Variants in ATG2B observed in about 807,000 individuals in gnomAD.
The protein encoded by ATG2B is autophagy related 2B, also known as autophagy-related protein 2 homolog B.
ATG2B carries 121 observed loss-of-function variants against 241.3 expected under a neutral mutation model. That is an observed-to-expected ratio of 0.50 (90% CI 0.43 to 0.58). The LOEUF (loss-of-function observed/expected upper bound fraction) is 0.58. ATG2B is among the 20% of genes least tolerant of loss of function. The pLI, the probability that ATG2B is intolerant of heterozygous loss-of-function variation, is 0.00. For missense variants in ATG2B, 2,306 were observed against 2,491.6 expected (o/e 0.93, Z 1.59); for synonymous variants, 858 against 876.6 (o/e 0.98, Z 0.37).
At position 96,322,705 on chromosome 14, in the gene ATG2B, C is replaced by T. The variant is rs1887491571; in HGVS notation, c.2571G>A (p.Met857Ile). Reference sequence around the variant, plus strand: ...CTGCAATTCTCTCCAAAATGGAATGCATGGCTGGTGGATTTATTTTCAGTA... The same window carrying T: ...CTGCAATTCTCTCCAAAATGGAATGTATGGCTGGTGGATTTATTTTCAGTA... ...RIVLKINPPA[M>I]HSILERIAAE... The change falls in exon 17 of 42, where the codon ATG (methionine) becomes ATA (isoleucine). Residue 857 changes from methionine to isoleucine, a missense_variant. Physicochemically the swap from Met to Ile is conservative, Grantham distance 10. Coordinates refer to ENST00000359933, the MANE Select transcript of ATG2B (RefSeq NM_018036.7). 2 of 1,613,308 alleles carry T rather than the reference C, an allele frequency of 1.2e-6. No homozygotes were observed. The highest frequency in any genetic ancestry group is 1.7e-6 in the Non-Finnish European group (2 of 1,179,716).
In ATG2B at chr14:96,290,598, A is replaced by G; in HGVS notation, c.5702-8T>C. The G allele has an allele frequency of 6.2e-7, 1 of 1,613,332 alleles. No homozygotes were observed. On this transcript the variant is annotated splice_region_variant and splice_polypyrimidine_tract_variant and intron_variant, in intron 39 of 41. Coordinates refer to ENST00000359933, the MANE Select transcript of ATG2B (RefSeq NM_018036.7). The surrounding 1 kb of genome is among the most constrained non-coding windows in gnomAD (Gnocchi z 4.4). Reference sequence around the variant, plus strand: ...AGTCCTTTAGGCCTTGTACTACAACAGTCAACACAAAATCAACATCAGTGC... The same window carrying G: ...AGTCCTTTAGGCCTTGTACTACAACGGTCAACACAAAATCAACATCAGTGC...
Position 96,323,961 on chromosome 14 carries a change from C to A in ATG2B, c.2475G>T (p.Lys825Asn). 6.2e-7 allele frequency: 1 copy of A among 1,610,108 alleles called. No homozygotes were observed. Among genetic ancestry groups the A allele is most frequent in the South Asian group, 1.1e-5 (1 of 90,214 alleles). ...FQEEKGDPSI[K>N]FFHVSSGVDG... ...CTACTCCACTAGACACATGGAAAAA[C>A]TTAATAGATGGATCTCCTTTCTCTT... The change falls in exon 16 of 42, where the codon AAG becomes AAT. Residue 825 changes from lysine (K) to asparagine (N), a missense_variant. By Grantham distance (94) the Lys-to-Asn change is moderately conservative (BLOSUM62 0). Around this residue, in one of 2 missense-constraint regions of ATG2B, gnomAD observed 1,927 missense variants for 2,011.2 expected, o/e 0.96. Transcript: ENST00000359933.
intron 2 of ATG2B, among the ~76,000 whole-genome samples, chr14:96,345,912 G>C (rs1888157011): frequency 1.3e-5 from 2 of 151,980 alleles, no homozygotes. Context: ...GACCAATTTG[G>C]CCTGCAGGTT....
Position 96,305,993 on chromosome 14 carries a change from A to C in ATG2B, c.4507-178T>G, listed in dbSNP as rs2289623. 0.25 allele frequency among the ~76,000 whole-genome samples: 37,750 copies of C among 152,082 alleles called. 4,936 individuals are homozygous for C. The highest frequency in any genetic ancestry group is 0.28 in the Non-Finnish European group (18,990 of 67,988). ...AAGATATTCTGCTTTATTAACCATA[A>C]AATAAACTCTCTTTGTTCTACGTAA... On this transcript the variant is annotated intron_variant, in intron 30 of 41. Transcript: ENST00000359933.
intron 1 of ATG2B, among the ~76,000 whole-genome samples, chr14:96,362,396 G>C (rs909858908): frequency 6.6e-6 from 1 of 152,130 alleles, no homozygotes; most frequent in African/African-American, 2.4e-5. Flanking sequence ...CAAATAACTA[G>C]GGATTCTGAC....
In ATG2B at chr14:96,332,342, T is replaced by C. The variant is rs184202137; in HGVS notation, c.1431A>G (p.Pro477=). ...KEQPVRGSTF[P]SNLVHPTPLQ... ...AAGGTGTTGGGTGAACTAGGTTGGATGGAAATGTTGACCCTCTTACTGGCT... is the reference window on the plus strand; with the variant it reads ...AAGGTGTTGGGTGAACTAGGTTGGACGGAAATGTTGACCCTCTTACTGGCT... Residue 477 remains proline, a synonymous_variant, in exon 10 of 42, where the codon CCA becomes CCG. Coordinates refer to ENST00000359933, the MANE Select transcript of ATG2B (RefSeq NM_018036.7). 3.3e-5 allele frequency: 54 copies of C among 1,613,824 alleles called. No individual in the cohort carries two copies. The highest frequency in any genetic ancestry group is 1.7e-4 in the Middle Eastern group (1 of 6,060).
chr14:96,322,082 A>C (rs1887473304), intron 18 of ATG2B, 30 bp downstream of exon 18: 5 of 1,466,704 alleles, frequency 3.4e-6, no homozygotes, highest in Non-Finnish European at 3.6e-6. Flanking sequence ...ATCTGATTCC[A>C]AAGATTCAAC....
At chr14:96,325,595 G>T in intron 15 of ATG2B, 54 bp downstream of exon 15, 1 of 1,507,458 alleles carries the variant, frequency 6.6e-7, no homozygotes, top group African/African-American at 1.4e-5. Context: ...TTAAGTTTCA[G>T]TAGCAGTTGT....
rs576793194 is a variant in ATG2B at position 96,345,329 on chromosome 14, C to G, written c.382G>C (p.Ala128Pro). ...SSFMTSSMQL[A>P]KECLSQKLTD... ...AGTTTCTGGCTAAGACATTCTTTTGCCAATTGCATACTGCTGGTCATAAAA... is the reference window on the plus strand; with the variant it reads ...AGTTTCTGGCTAAGACATTCTTTTGGCAATTGCATACTGCTGGTCATAAAA... Residue 128 changes from alanine (A) to proline (P), a missense_variant, in exon 3 of 42, where the codon GCA becomes CCA. Ala to Pro is a conservative substitution (Grantham distance 27). This residue lies in a region of ATG2B where 1,927 missense variants were observed against 2,011.2 expected (regional missense o/e 0.96). Coordinates refer to ENST00000359933, the MANE Select transcript of ATG2B (RefSeq NM_018036.7). 6.2e-7 allele frequency: 1 copy of G among 1,613,028 alleles called. No individual in the cohort carries two copies. Among genetic ancestry groups the G allele is most frequent in the Non-Finnish European group, 8.5e-7 (1 of 1,179,412 alleles).
intron 6 of ATG2B, among the ~76,000 whole-genome samples, chr14:96,338,604 T>G (rs1887928001): frequency 6.6e-6 from 1 of 152,140 alleles, no homozygotes; most frequent in African/African-American, 2.4e-5. Context: ...AGAAAGAACC[T>G]GGATCCTCAT....
intron 5 of ATG2B, 33 bp downstream of exon 5, chr14:96,343,086 G>A: frequency 1.4e-6 from 2 of 1,474,648 alleles, no homozygotes; most frequent in South Asian, 1.5e-5. Flanking sequence ...AAAAATCTAT[G>A]ATTATGGTTT....
At chr14:96,338,166 T>A (rs1172838543) in intron 6 of ATG2B, among the ~76,000 whole-genome samples, 1 of 152,174 alleles carries the variant, frequency 6.6e-6, no homozygotes. Flanking sequence ...AATTCATTGA[T>A]CAGATCTAGG....
chr14:96,351,264 G>A (rs1888310727), intron 1 of ATG2B, among the ~76,000 whole-genome samples: 1 of 152,292 alleles, frequency 6.6e-6, no homozygotes, highest in Non-Finnish European at 1.5e-5. Context: ...GGGAGGAGGG[G>A]ATCACAACCA....
chr14:96,309,612 A>C lies in ATG2B; in HGVS notation c.4162-18T>G. The C allele has an allele frequency of 1.3e-6, 2 of 1,580,996 alleles. No homozygotes were observed. Among genetic ancestry groups the C allele is most frequent in the South Asian group, 1.2e-5 (1 of 86,758 alleles). The stretch of plus-strand genomic sequence containing the variant: ...GAATCTACCTATAGCCAAAAAACCT[A>C]ATTAAAAATAACTGAAAATGCTCTT... On this transcript the variant is annotated intron_variant, in intron 28 of 41. Coordinates refer to ENST00000359933, the MANE Select transcript of ATG2B (RefSeq NM_018036.7).
Position 96,313,326 on chromosome 14 carries a change from T to C in ATG2B, c.3749+3A>G. The C allele has an allele frequency of 6.4e-7, 1 of 1,562,994 alleles. No homozygotes were observed. Among genetic ancestry groups the C allele is most frequent in the Non-Finnish European group, 8.7e-7 (1 of 1,156,032 alleles). ...CTTTATTTTGTTCCATTTGTGAACT[T>C]ACCTATAATCAAGTGCACAGCTCCA... On this transcript the variant is annotated splice_donor_region_variant and intron_variant, in intron 24 of 41. Coordinates refer to ENST00000359933, the MANE Select transcript of ATG2B (RefSeq NM_018036.7).
chr14:96,355,541 G>A (rs1888449976), intron 1 of ATG2B, among the ~76,000 whole-genome samples: 1 of 151,964 alleles, frequency 6.6e-6, no homozygotes, highest in Non-Finnish European at 1.5e-5. Flanking sequence ...TCAATTTCCT[G>A]GTCCATAAAA....
rs749396823 is a variant in ATG2B, at chr14:96,328,470, C to T, written c.2040G>A (p.Val680=). The change falls in exon 14 of 42, where the codon GTG becomes GTA. Residue 680 remains valine, a synonymous_variant. Coordinates refer to ENST00000359933, the MANE Select transcript of ATG2B (RefSeq NM_018036.7). Reference sequence around the variant, plus strand: ...CAATACTGATATCCAGCTCACAACACACTGGATTTAATTTAATTTGCAATT... The same window carrying T: ...CAATACTGATATCCAGCTCACAACATACTGGATTTAATTTAATTTGCAATT... The part of the protein sequence containing the change: ...KAELQIKLNP[V]CCELDISIVD... 3 of 1,612,950 alleles carry T rather than the reference C, an allele frequency of 1.9e-6. No individual in the cohort carries two copies. The highest frequency in any genetic ancestry group is 2.5e-6 in the Non-Finnish European group (3 of 1,179,644).
At chr14:96,302,154 G>A (rs1297676552) in intron 33 of ATG2B, 46 bp from the exon 34 acceptor site, 6 of 1,158,970 alleles carry the variant, frequency 5.2e-6, no homozygotes, top group South Asian at 2.6e-5. Flanking sequence ...ATAATATGAT[G>A]ACCTTCTTCT....
At chr14:96,288,264 C>A (rs1886392521) in intron 41 of ATG2B, among the ~76,000 whole-genome samples, 1 of 152,158 alleles carries the variant, frequency 6.6e-6, no homozygotes, top group African/African-American at 2.4e-5. Flanking sequence ...AGAAATATCG[C>A]CTATCTCTAA....
Sources: gnomAD v4.1 joint callset for allele counts (sites outside exome capture counted in the v4.1 genomes callset) on GRCh38, gnomAD v4.1.1 for gene constraint, gnomAD v4.1.1 regional missense constraint, Gnocchi (gnomAD v3.1) non-coding constraint, MANE v1.5 for transcripts, NCBI Gene and HGNC (gene_info 2026-07-23, HGNC 2026-07-21) for gene names.